MAF: variants seen among roughly 807,000 people sequenced by gnomAD.
MAF encodes the protein MAF bZIP transcription factor, also known as transcription factor Maf.
In MAF, 10 loss-of-function variants were observed where a neutral mutation model predicts 22.0. That is an observed-to-expected ratio of 0.45 (90% CI 0.28 to 0.77). The LOEUF (loss-of-function observed/expected upper bound fraction) is 0.77, where lower values mean the gene tolerates loss of function less well. Among genes scored for constraint, MAF ranks in the 30% least tolerant of loss-of-function variants. MAF has a pLI of 0.12. For missense variants in MAF, 544 were observed against 548.4 expected (o/e 0.99, Z 0.08); for synonymous variants, 337 against 255.8 (o/e 1.32, Z -3.03).
the MAF span, among the ~76,000 whole-genome samples, chr16:79,408,078 C>CAAAAAAAAAAAAAAAAA: frequency 1.2e-5 from 1 of 81,556 alleles, no homozygotes; most frequent in African/African-American, 5.0e-5. Flanking sequence ...TTTTACCTTT[C>CAAAAAAAAAAAAAAAAA]AAAAAAAAAA....
At chr16:79,519,452 C>G in the MAF span, among the ~76,000 whole-genome samples, 1 of 152,218 alleles carries the variant, frequency 6.6e-6, no homozygotes, top group Non-Finnish European at 1.5e-5. Flanking sequence ...ACCCAGAACA[C>G]GTTTCCAGGG....
the MAF span, among the ~76,000 whole-genome samples, chr16:79,534,717 C>T: frequency 2.0e-5 from 3 of 151,550 alleles, no homozygotes; most frequent in Non-Finnish European, 4.4e-5. Flanking sequence ...GCACATGTAC[C>T]CTAGAACTTA....
the MAF span, among the ~76,000 whole-genome samples, chr16:79,282,210 C>T: frequency 6.6e-6 from 1 of 152,144 alleles, no homozygotes; most frequent in Non-Finnish European, 1.5e-5. Context: ...TCTGTCTAAA[C>T]TGGGGACACC....
the MAF span, among the ~76,000 whole-genome samples, chr16:79,529,332 T>C: frequency 1.2e-3 from 179 of 152,318 alleles, no homozygotes; most frequent in African/African-American, 4.2e-3. Flanking sequence ...GTTGGCAAAC[T>C]ATGTAGCTAT....
the MAF span, among the ~76,000 whole-genome samples, chr16:79,313,919 G>C: frequency 6.6e-6 from 1 of 152,148 alleles, no homozygotes; most frequent in African/African-American, 2.4e-5. Flanking sequence ...AAATGAAGTG[G>C]ACTAGCACCT....
chr16:79,245,828 C>G, the MAF span, among the ~76,000 whole-genome samples: 1 of 152,094 alleles, frequency 6.6e-6, no homozygotes, highest in African/African-American at 2.4e-5. Flanking sequence ...CAGTGATAGA[C>G]TGGATAAAGA....
At chr16:79,402,653 G>A in the MAF span, among the ~76,000 whole-genome samples, 1 of 152,232 alleles carries the variant, frequency 6.6e-6, no homozygotes, top group Non-Finnish European at 1.5e-5. Flanking sequence ...AGGTGCCAGG[G>A]GTGCGGTTGG....
the MAF span, among the ~76,000 whole-genome samples, chr16:79,367,791 G>C: frequency 6.6e-6 from 1 of 152,226 alleles, no homozygotes; most frequent in East Asian, 1.9e-4. Flanking sequence ...TGAATGAACA[G>C]CCTAGTACAT....
At chr16:79,530,931 G>A in the MAF span, among the ~76,000 whole-genome samples, 237 of 152,316 alleles carry the variant, frequency 1.6e-3, no homozygotes, top group Non-Finnish European at 3.1e-3. Context: ...TGTCTTTTAG[G>A]GAGATGGCCC....
At chr16:79,563,923 T>C in the MAF span, among the ~76,000 whole-genome samples, 7 of 152,378 alleles carry the variant, frequency 4.6e-5, no homozygotes, top group African/African-American at 1.7e-4. Flanking sequence ...CAGGATCACC[T>C]GTGATCATTT....
chr16:79,216,070 T>C, the MAF span, among the ~76,000 whole-genome samples: 1 of 152,242 alleles, frequency 6.6e-6, no homozygotes, highest in Non-Finnish European at 1.5e-5. Context: ...CTATTATTCC[T>C]ATTTTAGCTT....
At chr16:79,363,940 C>T in the MAF span, among the ~76,000 whole-genome samples, 21 of 152,266 alleles carry the variant, frequency 1.4e-4, no homozygotes, top group African/African-American at 4.8e-4. Context: ...GGAGATGCTA[C>T]CCATCCAGCC....
At chr16:79,320,028 A>G in the MAF span, among the ~76,000 whole-genome samples, 2 of 152,308 alleles carry the variant, frequency 1.3e-5, no homozygotes, top group East Asian at 1.9e-4. Flanking sequence ...TTAGCCCAGG[A>G]GTATGAGTCC....
At chr16:79,536,467 A>C in the MAF span, among the ~76,000 whole-genome samples, 1 of 152,124 alleles carries the variant, frequency 6.6e-6, no homozygotes, top group Non-Finnish European at 1.5e-5. Context: ...ATATGGTGAA[A>C]CCCCATCTCT....
the MAF span, among the ~76,000 whole-genome samples, chr16:79,358,307 T>G: frequency 1.3e-5 from 2 of 152,174 alleles, no homozygotes; most frequent in African/African-American, 2.4e-5. Flanking sequence ...AGGGTGATGA[T>G]TGCTAGGATC....
the MAF span, among the ~76,000 whole-genome samples, chr16:79,247,000 A>G: frequency 8.5e-5 from 13 of 152,376 alleles, no homozygotes; most frequent in East Asian, 2.5e-3. Flanking sequence ...AAATCAATCA[A>G]TAAACGAGAA....
At chr16:79,433,304 A>G in the MAF span, among the ~76,000 whole-genome samples, 3 of 149,600 alleles carry the variant, frequency 2.0e-5, no homozygotes, top group Non-Finnish European at 4.4e-5. Context: ...ATATAATACT[A>G]TGACCAGAAA....
chr16:79,334,726 A>C, the MAF span, among the ~76,000 whole-genome samples: 2 of 152,134 alleles, frequency 1.3e-5, no homozygotes, highest in Non-Finnish European at 2.9e-5. Flanking sequence ...GGTTAAGCTG[A>C]GCACTCGAGG....
At chr16:79,468,063 C>G in the MAF span, among the ~76,000 whole-genome samples, 1 of 152,098 alleles carries the variant, frequency 6.6e-6, no homozygotes, top group Non-Finnish European at 1.5e-5. Context: ...CTGAGCAGAC[C>G]TGGGTGCATC....
Sources: gnomAD v4.1 joint callset for allele counts (sites outside exome capture counted in the v4.1 genomes callset) on GRCh38, gnomAD v4.1.1 for gene constraint, MANE v1.5 for transcripts, NCBI Gene and HGNC (gene_info 2026-07-23, HGNC 2026-07-21) for gene names.